Variants in GRID2 observed in about 807,000 individuals in gnomAD.
GRID2 encodes glutamate receptor ionotropic, delta-2.
A neutral mutation model predicts 114.8 loss-of-function variants in GRID2; 33 were observed. The observed-to-expected ratio is 0.29, with a 90% CI of 0.22 to 0.38. The LOEUF is 0.38. GRID2 is among the 10% of genes least tolerant of loss of function. The pLI, the probability that GRID2 is intolerant of heterozygous loss-of-function variation, is 1.00. For synonymous variants in GRID2, 505 were observed against 449.9 expected, an observed-to-expected ratio of 1.12 and a Z score of -1.55; for missense variants, 1,184 against 1,257.7, an observed-to-expected ratio of 0.94 and a Z score of 0.89.
chr4:93,671,012 T>C (rs1724363390), intron 14 of GRID2, among the ~76,000 whole-genome samples: 1 of 152,148 alleles, frequency 6.6e-6, no homozygotes, highest in Non-Finnish European at 1.5e-5. Context: ...CAGGAATAGT[T>C]AGTTTGGGTT....
At chr4:93,377,092 A>C (rs1022385415) in intron 8 of GRID2, among the ~76,000 whole-genome samples, 2 of 152,216 alleles carry the variant, frequency 1.3e-5, no homozygotes, top group Non-Finnish European at 2.9e-5. Flanking sequence ...ATAATATTGT[A>C]TAATGTCTGC....
intron 1 of GRID2, among the ~76,000 whole-genome samples, chr4:92,406,525 T>G (rs565956683): frequency 6.6e-6 from 1 of 152,186 alleles, no homozygotes; most frequent in South Asian, 2.1e-4. Context: ...ACTAGAGTTT[T>G]GGGTATTTTT....
At position 93,631,293 on chromosome 4, in the gene GRID2, T is replaced by G. The variant is rs574903182; in HGVS notation, c.2360+4858T>G. Among the ~76,000 whole-genome samples the G allele has an allele frequency of 1.5e-4, 23 of 152,236 alleles. No individual in the cohort carries two copies. In the South Asian group the frequency reaches 4.6e-3, roughly 30 times the overall value. ...CAGGTTTGTTACATATGTATACATGTGCCATGTTGGTGTGCTGCACCCATT... is the reference window on the plus strand; with the variant it reads ...CAGGTTTGTTACATATGTATACATGGGCCATGTTGGTGTGCTGCACCCATT... On this transcript the variant is annotated intron_variant, in intron 14 of 15. Coordinates refer to ENST00000282020, the MANE Select transcript of GRID2 (RefSeq NM_001510.4).
Position 93,216,821 on chromosome 4 carries a change from C to A in GRID2, c.873C>A (p.Pro291=). 6.2e-7 allele frequency: 1 copy of A among 1,612,640 alleles called. No individual in the cohort carries two copies. Residue 291 remains proline (P), a synonymous_variant, in exon 6 of 16, where the codon CCC becomes CCA. Transcript: ENST00000282020. Reference sequence around the variant, plus strand: ...TTATTCGGCAGACATTTCCAGTTCCCCAGAACATAAGTCAGCGGTGTTTCC... The same window carrying A: ...TTATTCGGCAGACATTTCCAGTTCCACAGAACATAAGTCAGCGGTGTTTCC... The part of the protein sequence containing the change: ...LTIIRQTFPV[P]QNISQRCFRG...
intron 13 of GRID2, among the ~76,000 whole-genome samples, chr4:93,573,485 T>C (rs747089841): frequency 3.9e-5 from 6 of 152,178 alleles, no homozygotes; most frequent in Non-Finnish European, 8.8e-5. Flanking sequence ...TTTGGACAGC[T>C]GCAAATGAGA....
At chr4:92,804,818 A>C (rs1160446765) in intron 2 of GRID2, among the ~76,000 whole-genome samples, 1 of 152,008 alleles carries the variant, frequency 6.6e-6, no homozygotes, top group Non-Finnish European at 1.5e-5. Flanking sequence ...TCTTTTTGTA[A>C]ATAGGCTGGA....
intron 1 of GRID2, among the ~76,000 whole-genome samples, chr4:92,327,007 C>T (rs1362441897): frequency 6.6e-6 from 1 of 151,954 alleles, no homozygotes; most frequent in South Asian, 2.1e-4. Flanking sequence ...TTACTCCACA[C>T]ATTTCTACTA....
intron 11 of GRID2, among the ~76,000 whole-genome samples, chr4:93,458,755 T>C (rs1431865637): frequency 2.0e-5 from 3 of 152,046 alleles, no homozygotes; most frequent in South Asian, 2.1e-4. Context: ...AATTGACATA[T>C]GTAAAAAAAG....
rs770248847 is a variant in GRID2, at chr4:93,515,299, A to T, written c.2081A>T (p.Lys694Ile). Residue 694 changes from lysine (K) to isoleucine (I), a missense_variant, in exon 13 of 16, where the codon AAA (lysine) becomes ATA (isoleucine). By Grantham distance (102) the Lys-to-Ile change is moderately radical. This residue lies in a region of GRID2 where 717 missense variants were observed against 796.9 expected (regional missense o/e 0.90). Transcript: ENST00000282020. ...GCGGTATATGAGCATGTCCGCATGA[A>T]AGGACTGAATCCTTTTGAGAGGGAC... ...DSAVYEHVRM[K>I]GLNPFERDSM... The T allele has an allele frequency of 3.1e-6, 5 of 1,610,698 alleles. No homozygotes were observed. The highest frequency in any genetic ancestry group is 4.2e-6 in the Non-Finnish European group (5 of 1,177,266).
At chr4:92,482,030 AT>A (rs1560660618) in intron 1 of GRID2, among the ~76,000 whole-genome samples, 135 of 69,874 alleles carry the variant, frequency 1.9e-3, no homozygotes, top group African/African-American at 3.5e-3. Flanking sequence ...ATATATATAT[AT>A]ATAAAATAAC....
chr4:93,472,861 T>C (rs925549383), intron 11 of GRID2, among the ~76,000 whole-genome samples: 1 of 152,130 alleles, frequency 6.6e-6, no homozygotes, highest in Non-Finnish European at 1.5e-5. Flanking sequence ...TGAAATAGAA[T>C]AGCTGAAGTA....
intron 4 of GRID2, among the ~76,000 whole-genome samples, chr4:93,134,737 T>C (rs1164674231): frequency 6.6e-6 from 1 of 152,158 alleles, no homozygotes; most frequent in Non-Finnish European, 1.5e-5. Context: ...ATGATAATAT[T>C]GAATCAGGAA....
chr4:92,376,754 C>T (rs1729375036), intron 1 of GRID2, among the ~76,000 whole-genome samples: 1 of 152,192 alleles, frequency 6.6e-6, no homozygotes, highest in Non-Finnish European at 1.5e-5. Context: ...CTTTTGTGCG[C>T]TTGCAGACTC....
intron 13 of GRID2, among the ~76,000 whole-genome samples, chr4:93,569,707 C>T (rs1471903335): frequency 1.3e-5 from 2 of 152,138 alleles, no homozygotes; most frequent in Non-Finnish European, 2.9e-5. Flanking sequence ...CCTAGCTTTG[C>T]CCATTTTCCT....
At chr4:93,145,696 A>G (rs969887045) in intron 4 of GRID2, among the ~76,000 whole-genome samples, 2 of 102,038 alleles carry the variant, frequency 2.0e-5, no homozygotes, top group African/African-American at 8.1e-5. Context: ...GCGTTTCACC[A>G]TGTTGGCCAG....
intron 13 of GRID2, among the ~76,000 whole-genome samples, chr4:93,625,591 G>A (rs972448484): frequency 6.6e-6 from 1 of 152,160 alleles, no homozygotes; most frequent in Admixed American, 6.5e-5. Context: ...ACACAATAGA[G>A]AGTAATAATA....
intron 1 of GRID2, among the ~76,000 whole-genome samples, chr4:92,443,921 T>A (rs1183279787): frequency 1.3e-5 from 2 of 152,096 alleles, no homozygotes; most frequent in East Asian, 3.9e-4. Flanking sequence ...ACAGATAAAA[T>A]GTATCTCCTT....
intron 1 of GRID2, among the ~76,000 whole-genome samples, chr4:92,485,344 A>G (rs1323875195): frequency 1.0e-4 from 6 of 60,028 alleles, no homozygotes; most frequent in African/African-American, 1.7e-4. Context: ...ATATATATAT[A>G]TATAGTGTGT....
At chr4:93,736,276 C>A (rs1007603606) in intron 14 of GRID2, among the ~76,000 whole-genome samples, 6 of 151,994 alleles carry the variant, frequency 3.9e-5, no homozygotes, top group Non-Finnish European at 8.8e-5. Flanking sequence ...TTAAGACCCA[C>A]TATAGCACTT....
Sources: allele counts gnomAD v4.1 joint callset (sites outside exome capture counted in the v4.1 genomes callset), GRCh38; gene constraint gnomAD v4.1.1; regional missense constraint gnomAD v4.1.1; transcripts MANE v1.5; gene names NCBI Gene and HGNC (gene_info 2026-07-23, HGNC 2026-07-21).